The following TENM4 variants were observed in gnomAD, a reference collection of about 807,000 sequenced individuals.
The protein encoded by TENM4 is teneurin-4.
A neutral mutation model predicts 243.3 loss-of-function variants in TENM4; 82 were observed. That is an observed-to-expected ratio of 0.34 (90% CI 0.28 to 0.40). The LOEUF is 0.40. Ranked by LOEUF, TENM4 falls within the 10% of genes least tolerant of loss-of-function variation. The pLI, the probability that TENM4 is intolerant of heterozygous loss-of-function variation, is 1.00. For missense variants in TENM4, 3,138 were observed against 3,673.3 expected (o/e 0.85, Z 3.77); for synonymous variants, 1,412 against 1,456.3 (o/e 0.97, Z 0.69).
intron 4 of TENM4, among the ~76,000 whole-genome samples, chr11:79,146,792 G>A (rs72935340): frequency 0.055 from 8,366 of 152,108 alleles, 335 homozygotes; most frequent in Non-Finnish European, 0.078. Context: ...CCAGGAAGGC[G>A]AAAACTGTAC....
intron 2 of TENM4, among the ~76,000 whole-genome samples, chr11:79,287,622 T>G (rs1326096862): frequency 6.6e-6 from 1 of 152,176 alleles, no homozygotes; most frequent in Admixed American, 6.5e-5. Context: ...GGGTGCTTGA[T>G]GCATTATAAT....
intron 2 of TENM4, among the ~76,000 whole-genome samples, chr11:79,284,638 G>A (rs190563590): frequency 5.3e-4 from 80 of 152,260 alleles, no homozygotes; most frequent in African/African-American, 1.9e-3. Flanking sequence ...TTTAGATTAA[G>A]CTATGGTTTC....
chr11:78,729,273 A>AT, intron 22 of TENM4, 103 bp downstream of exon 22: 1 of 1,289,306 alleles, frequency 7.8e-7, no homozygotes, highest in Non-Finnish European at 1.1e-6. Flanking sequence ...AGCCTTAGGT[A>AT]TTTTTGATCT....
At chr11:78,767,680 A>G (rs1488108473) in intron 18 of TENM4, among the ~76,000 whole-genome samples, 1 of 152,208 alleles carries the variant, frequency 6.6e-6, no homozygotes, top group Non-Finnish European at 1.5e-5. Context: ...AACTCTGTTA[A>G]TTTCTTCTCC....
At chr11:79,439,927 C>A (rs1342348969) in intron 1 of TENM4, among the ~76,000 whole-genome samples, 1 of 151,938 alleles carries the variant, frequency 6.6e-6, no homozygotes, top group Non-Finnish European at 1.5e-5. Context: ...GCCGGGCGCC[C>A]GGTGAGGAGA....
chr11:79,387,826 G>A (rs1184235266), intron 1 of TENM4, among the ~76,000 whole-genome samples: 1 of 152,264 alleles, frequency 6.6e-6, no homozygotes, highest in East Asian at 1.9e-4. Context: ...GCAACATGGT[G>A]AAACTCCATC....
chr11:78,736,712 A>C (rs1235015615), intron 20 of TENM4, among the ~76,000 whole-genome samples: 1 of 152,228 alleles, frequency 6.6e-6, no homozygotes, highest in African/African-American at 2.4e-5. Context: ...TGTAACAAAC[A>C]GAGATTTTTG....
At chr11:79,244,861 C>A (rs561588299) in intron 2 of TENM4, among the ~76,000 whole-genome samples, 1 of 152,230 alleles carries the variant, frequency 6.6e-6, no homozygotes, top group South Asian at 2.1e-4. Flanking sequence ...AACCAGAGAC[C>A]TTCAGGCTGA....
chr11:78,736,642 C>T (rs943157117), intron 20 of TENM4, among the ~76,000 whole-genome samples: 5 of 151,934 alleles, frequency 3.3e-5, no homozygotes, highest in Admixed American at 6.6e-5. Flanking sequence ...TCGTAAGGTA[C>T]GGGAGGTAAG....
intron 4 of TENM4, among the ~76,000 whole-genome samples, chr11:79,081,757 G>A (rs968026178): frequency 2.0e-5 from 3 of 152,136 alleles, no homozygotes; most frequent in African/African-American, 7.2e-5. Context: ...TGCTGGTGGG[G>A]CAGGGGCAGG....
At chr11:79,407,503 C>G (rs561904155) in intron 1 of TENM4, among the ~76,000 whole-genome samples, 50 of 152,232 alleles carry the variant, frequency 3.3e-4, no homozygotes, top group Non-Finnish European at 6.0e-4. Flanking sequence ...AATACACAGA[C>G]TTGGAACCAA....
intron 6 of TENM4, among the ~76,000 whole-genome samples, chr11:78,971,666 T>G (rs1173171570): frequency 6.6e-6 from 1 of 152,158 alleles, no homozygotes; most frequent in African/African-American, 2.4e-5. Flanking sequence ...ATTTTTAAAA[T>G]GTGAAAGCTT....
intron 3 of TENM4, among the ~76,000 whole-genome samples, chr11:79,173,869 C>T (rs1470892155): frequency 6.6e-6 from 1 of 152,176 alleles, no homozygotes; most frequent in East Asian, 1.9e-4. Context: ...AGAAGAATGT[C>T]TTCAGGAATG....
chr11:78,801,863 A>G (rs187761547), intron 15 of TENM4, among the ~76,000 whole-genome samples: 271 of 152,332 alleles, frequency 1.8e-3, no homozygotes, highest in Non-Finnish European at 3.2e-3. Context: ...CAAGCAGCAT[A>G]AGCAAGATGA....
intron 4 of TENM4, among the ~76,000 whole-genome samples, chr11:79,115,912 C>T (rs1398537604): frequency 1.3e-5 from 2 of 152,200 alleles, no homozygotes; most frequent in African/African-American, 4.8e-5. Context: ...CTAGGTTTCT[C>T]TACTCTGATG....
At chr11:78,781,376 A>G (rs1382120811) in intron 16 of TENM4, among the ~76,000 whole-genome samples, 1 of 152,136 alleles carries the variant, frequency 6.6e-6, no homozygotes, top group Non-Finnish European at 1.5e-5. Flanking sequence ...CATTGTACAA[A>G]TGTTTCTCAT....
At chr11:78,936,475 T>C (rs910390019) in intron 6 of TENM4, among the ~76,000 whole-genome samples, 1 of 152,264 alleles carries the variant, frequency 6.6e-6, no homozygotes, top group African/African-American at 2.4e-5. Flanking sequence ...CATGTACCTG[T>C]GTTCACTCAA....
intron 12 of TENM4, among the ~76,000 whole-genome samples, chr11:78,850,944 G>A (rs186426075): frequency 2.4e-4 from 37 of 152,158 alleles, no homozygotes; most frequent in African/African-American, 8.9e-4. Context: ...CTCATAAGGC[G>A]TCTGTCTTCA....
rs995507596 is a variant in TENM4 at position 78,990,020 on chromosome 11, C to T, written c.493+74718G>A. 2.7e-5 allele frequency among the ~76,000 whole-genome samples: 4 copies of T among 150,842 alleles called. No homozygotes were observed. The South Asian group carries it at 8.4e-4, about 31-fold the overall frequency. ...GTCGAGGCTGCTGTGAGCATGATTGCACCACCATACTCCAGCCTGGGTGAC... is the reference window on the plus strand; with the variant it reads ...GTCGAGGCTGCTGTGAGCATGATTGTACCACCATACTCCAGCCTGGGTGAC... On this transcript the variant is annotated intron_variant, in intron 6 of 33. Coordinates refer to ENST00000278550, the MANE Select transcript of TENM4 (RefSeq NM_001098816.3).
Sources: gnomAD v4.1 joint callset for allele counts (sites outside exome capture counted in the v4.1 genomes callset) on GRCh38, gnomAD v4.1.1 for gene constraint, MANE v1.5 for transcripts, NCBI Gene and HGNC (gene_info 2026-07-23, HGNC 2026-07-21) for gene names.